Variants in ATP10B observed in about 807,000 individuals in gnomAD.
ATP10B encodes the protein phospholipid-transporting ATPase VB.
A neutral mutation model predicts 141.2 loss-of-function variants in ATP10B; 122 were observed. The observed-to-expected ratio is 0.86, with a 90% CI of 0.75 to 1.00. The LOEUF (loss-of-function observed/expected upper bound fraction) is 1.00. ATP10B is among the 50% of genes least tolerant of loss of function. ATP10B has a pLI of 0.00. For missense variants in ATP10B, 1,876 were observed against 1,825.3 expected, an observed-to-expected ratio of 1.03 and a Z score of -0.51; for synonymous variants, 685 against 692.0, an observed-to-expected ratio of 0.99 and a Z score of 0.16.
At chr5:160,604,093 C>A (rs747126942) in intron 19 of ATP10B, 52 bp from the exon 20 acceptor site, 1 of 1,366,556 alleles carries the variant, frequency 7.3e-7, no homozygotes, top group South Asian at 1.2e-5. Flanking sequence ...TGCTCAGTGA[C>A]AATGAGGTAG....
the ATP10B span, among the ~76,000 whole-genome samples, chr5:160,918,505 A>T: frequency 6.6e-5 from 10 of 152,320 alleles, 1 homozygote; most frequent in South Asian, 2.1e-3. Context: ...GATATTCACC[A>T]TGATATTCAC....
intron 9 of ATP10B, among the ~76,000 whole-genome samples, chr5:160,642,499 G>A (rs1231037097): frequency 2.0e-5 from 3 of 152,120 alleles, no homozygotes; most frequent in Non-Finnish European, 4.4e-5. Context: ...ATTTGGCAAC[G>A]TCTTGAGAAA....
intron 13 of ATP10B, among the ~76,000 whole-genome samples, chr5:160,624,151 G>T (rs1045414674): frequency 6.6e-6 from 1 of 152,198 alleles, no homozygotes; most frequent in East Asian, 1.9e-4. Flanking sequence ...ATTAATTTGT[G>T]CAGGGTGAAG....
chr5:160,627,288 G>C (rs1271350214), intron 13 of ATP10B, among the ~76,000 whole-genome samples: 1 of 152,172 alleles, frequency 6.6e-6, no homozygotes, highest in Non-Finnish European at 1.5e-5. Context: ...AGCCCAGAGA[G>C]CATTGTCCCA....
chr5:160,748,224 C>T (rs1302136108), intron 2 of ATP10B, among the ~76,000 whole-genome samples: 1 of 152,112 alleles, frequency 6.6e-6, no homozygotes, highest in Non-Finnish European at 1.5e-5. Flanking sequence ...CCAGACACCT[C>T]CTCTCCCTCC....
chr5:160,663,863 T>C (rs1762144707), intron 7 of ATP10B, among the ~76,000 whole-genome samples: 1 of 152,196 alleles, frequency 6.6e-6, no homozygotes. Flanking sequence ...CTGAGCTCAG[T>C]TAACCTAGAG....
chr5:160,591,499 C>T (rs1471264860), intron 22 of ATP10B, among the ~76,000 whole-genome samples: 1 of 152,160 alleles, frequency 6.6e-6, no homozygotes, highest in Non-Finnish European at 1.5e-5. Context: ...TCATTGTTAT[C>T]AATCATTAGT....
chr5:160,832,187 C>T (rs1162101092), intron 1 of ATP10B, among the ~76,000 whole-genome samples: 1 of 151,894 alleles, frequency 6.6e-6, no homozygotes, highest in Non-Finnish European at 1.5e-5. Flanking sequence ...TAAGCCAACA[C>T]CTTCAAACTG....
chr5:160,808,467 G>GT (rs1772935830), intron 1 of ATP10B, among the ~76,000 whole-genome samples: 1 of 152,102 alleles, frequency 6.6e-6, no homozygotes, highest in Admixed American at 6.6e-5. Context: ...TGTGTGTTCT[G>GT]TTTTTGCTAA....
intron 3 of ATP10B, among the ~76,000 whole-genome samples, chr5:160,699,995 G>C (rs550399664): frequency 5.5e-4 from 84 of 152,216 alleles, no homozygotes; most frequent in Admixed American, 1.4e-3. Flanking sequence ...ATTTGACTGG[G>C]GGTCTAGAAG....
intron 7 of ATP10B, among the ~76,000 whole-genome samples, chr5:160,666,781 C>T (rs1359273596): frequency 6.6e-6 from 1 of 152,188 alleles, no homozygotes; most frequent in African/African-American, 2.4e-5. Context: ...CAGGCTGAGC[C>T]CACTTTCATT....
chr5:160,580,707 T>A (rs1264865175), intron 24 of ATP10B, among the ~76,000 whole-genome samples: 1 of 152,240 alleles, frequency 6.6e-6, no homozygotes, highest in Non-Finnish European at 1.5e-5. Flanking sequence ...CTTTTTTTAT[T>A]GTTTGGAATA....
intron 16 of ATP10B, among the ~76,000 whole-genome samples, chr5:160,616,349 G>A (rs1395593302): frequency 6.6e-6 from 1 of 152,152 alleles, no homozygotes; most frequent in Non-Finnish European, 1.5e-5. Flanking sequence ...ACTGAATAGG[G>A]GGCTGCCTTC....
intron 2 of ATP10B, among the ~76,000 whole-genome samples, chr5:160,735,671 C>T (rs1039840130): frequency 1.3e-5 from 2 of 152,072 alleles, no homozygotes; most frequent in African/African-American, 4.8e-5. Flanking sequence ...CAGAACATTT[C>T]ATCCAATAAC....
rs139877394 is a variant in ATP10B, at chr5:160,578,684, A to G, written c.3751-9001T>C. Among the ~76,000 whole-genome samples, 1,442 of 152,334 alleles carry G rather than the reference A, an allele frequency of 9.5e-3. 18 individuals carry two copies. The highest frequency in any genetic ancestry group is 0.033 in the African/African-American group (1,362 of 41,570). ...ATGTGTCTTTATAGTAGAATGATTT[A>G]TAATGCTTTGGGTATATACCCAGTA... On this transcript the variant is annotated intron_variant, in intron 24 of 25. Transcript: ENST00000327245.
intron 13 of ATP10B, among the ~76,000 whole-genome samples, chr5:160,631,672 T>C (rs185044018): frequency 6.6e-6 from 1 of 152,388 alleles, no homozygotes; most frequent in East Asian, 1.9e-4. Flanking sequence ...CAAATATTTC[T>C]AATTTCTCCT....
chr5:160,637,017 T>TATCCATCCATCCATCCATCAATCC (rs1759441332), intron 10 of ATP10B, among the ~76,000 whole-genome samples: 1 of 62,094 alleles, frequency 1.6e-5, no homozygotes, highest in Admixed American at 1.4e-4. Flanking sequence ...TCCATCCATC[T>TATCCATCCATCCATCCATCAATCC]ATCCATCCAT....
chr5:160,587,907 C>T (rs995885722), intron 24 of ATP10B, among the ~76,000 whole-genome samples: 6 of 152,180 alleles, frequency 3.9e-5, no homozygotes, highest in East Asian at 1.9e-4. Flanking sequence ...GGCATGATCT[C>T]GGCTCACTGC....
intron 1 of ATP10B, among the ~76,000 whole-genome samples, chr5:160,838,561 G>C (rs1775609815): frequency 6.6e-6 from 1 of 152,072 alleles, no homozygotes; most frequent in Admixed American, 6.5e-5. Context: ...TTCTTTAGTT[G>C]AAAGGACCCA....
Sources: gnomAD v4.1 joint callset for allele counts (sites outside exome capture counted in the v4.1 genomes callset) on GRCh38, gnomAD v4.1.1 for gene constraint, MANE v1.5 for transcripts, NCBI Gene and HGNC (gene_info 2026-07-23, HGNC 2026-07-21) for gene names.